MPRIP: variants seen among roughly 807,000 people sequenced by gnomAD.
MPRIP encodes myosin phosphatase Rho interacting protein, also known as myosin phosphatase Rho-interacting protein.
MPRIP carries 59 observed loss-of-function variants against 234.9 expected under a neutral mutation model. The ratio of observed to expected loss-of-function variants is 0.25; its 90% CI spans 0.20 to 0.31. The LOEUF (loss-of-function observed/expected upper bound fraction) is 0.31, where lower values mean the gene tolerates loss of function less well. Ranked by LOEUF, MPRIP falls within the 10% of genes least tolerant of loss-of-function variation. The pLI, the probability that MPRIP is intolerant of heterozygous loss-of-function variation, is 1.00. For synonymous variants in MPRIP, 1,144 were observed against 1,263.9 expected (o/e 0.91, Z 2.01); for missense variants, 2,436 against 3,071.0 (o/e 0.79, Z 4.89).
In MPRIP at chr17:17,171,881, A is replaced by T. The variant is rs760469097; in HGVS notation, c.6472+16A>T. 3 of 1,610,090 alleles carry T rather than the reference A, an allele frequency of 1.9e-6. No individual in the cohort carries two copies. The highest frequency in any genetic ancestry group is 2.5e-6 in the Non-Finnish European group (3 of 1,178,764). ...ACCATCTCAGGTTGGGGGGTGGGGT[A>T]ACCCTGAGGGCAGGGTGGGTGGCCA... On this transcript the variant is annotated intron_variant, in intron 17 of 23. Transcript: ENST00000651222.
chr17:17,109,337 C>A (rs2090124094), intron 3 of MPRIP, among the ~76,000 whole-genome samples: 2 of 152,320 alleles, frequency 1.3e-5, no homozygotes, highest in African/African-American at 4.8e-5. Flanking sequence ...CATACATAGG[C>A]TCTGTGTGCA....
chr17:17,170,856 C>T (rs1325263007), intron 16 of MPRIP: 1 of 152,246 alleles, frequency 6.6e-6, no homozygotes, highest in Non-Finnish European at 1.5e-5. Flanking sequence ...GTGAGCACAG[C>T]TCTGATAACC....
chr17:17,173,727 A>G (rs1427889109), intron 18 of MPRIP, 189 bp from the exon 19 acceptor site: 4 of 717,962 alleles, frequency 5.6e-6, no homozygotes, highest in Admixed American at 2.0e-5. Context: ...ACTGTGAGAA[A>G]GGACCAGGGA....
At position 17,132,490 on chromosome 17, in the gene MPRIP, A is replaced by G. The variant is rs151058228; in HGVS notation, c.504+789A>G. ...CTACTCTTCCCAAGTCCTGAGCCTC[A>G]TAGTCACCCGAGAGGGAGCAGGGTG... On this transcript the variant is annotated intron_variant, in intron 5 of 23. Coordinates refer to ENST00000651222, the MANE Select transcript of MPRIP (RefSeq NM_001364716.4). 8.4e-4 allele frequency among the ~76,000 whole-genome samples: 128 copies of G among 152,340 alleles called. 2 individuals carry two copies. In the East Asian group the frequency reaches 0.021, roughly 25 times the overall value.
rs1184412553 is a variant in MPRIP, at chr17:17,184,756, C to T, written c.7207-67C>T. The T allele has an allele frequency of 5.0e-5, 65 of 1,293,270 alleles. 1 individual carries two copies. The Middle Eastern group carries it at 9.3e-4, about 18-fold the overall frequency. 80.1% of individuals were successfully genotyped at this position (1,293,270 alleles called of 1,614,324 possible). ...GCTCCACCAGCGGTCCGGTCTGGTCCGGTCCGGTCCAGTGCAGGGGGTCTA... is the reference window on the plus strand; with the variant it reads ...GCTCCACCAGCGGTCCGGTCTGGTCTGGTCCGGTCCAGTGCAGGGGGTCTA... On this transcript the variant is annotated intron_variant, in intron 23 of 23. Coordinates refer to ENST00000651222, the MANE Select transcript of MPRIP (RefSeq NM_001364716.4).
chr17:17,110,309 C>G (rs569885490), intron 3 of MPRIP, among the ~76,000 whole-genome samples: 35 of 152,114 alleles, frequency 2.3e-4, no homozygotes, highest in Non-Finnish European at 4.4e-4. Flanking sequence ...GCCAAATAAC[C>G]CTCTTTTTCT....
Position 17,185,277 on chromosome 17 carries a change from C to G in MPRIP, c.*383C>G. ...TGGTGTGGAAACGGGGCCCAGCCAGCACGCCTCAAGGTAGATGGAATCCCC... is the reference window on the plus strand; with the variant it reads ...TGGTGTGGAAACGGGGCCCAGCCAGGACGCCTCAAGGTAGATGGAATCCCC... On this transcript the variant is annotated 3_prime_UTR_variant, in exon 24 of 24. Coordinates refer to ENST00000651222, the MANE Select transcript of MPRIP (RefSeq NM_001364716.4). 1 of 342,030 alleles carries G rather than the reference C, an allele frequency of 2.9e-6. No individual in the cohort carries two copies. Among genetic ancestry groups the G allele is most frequent in the Non-Finnish European group, 5.8e-6 (1 of 173,266 alleles). 21.2% of individuals were successfully genotyped at this position (342,030 alleles called of 1,614,324 possible).
At chr17:17,134,931 C>T (rs916547459) in intron 5 of MPRIP, among the ~76,000 whole-genome samples, 2 of 152,234 alleles carry the variant, frequency 1.3e-5, no homozygotes, top group African/African-American at 4.8e-5. Context: ...GAACCTGTGT[C>T]ATCTGCAAGC....
intron 3 of MPRIP, among the ~76,000 whole-genome samples, chr17:17,116,609 G>A (rs2090290548): frequency 6.6e-6 from 1 of 152,208 alleles, no homozygotes; most frequent in Non-Finnish European, 1.5e-5. Flanking sequence ...TTCCCAGCTG[G>A]CCTCATCTAG....
intron 1 of MPRIP, chr17:17,057,825 C>G (rs182358010): frequency 3.0e-6 from 2 of 656,164 alleles, no homozygotes; most frequent in East Asian, 2.7e-5. Flanking sequence ...TTTGAAGAGC[C>G]GCTGATATAC....
At chr17:17,064,188 T>C (rs904308949) in intron 1 of MPRIP, among the ~76,000 whole-genome samples, 1 of 149,954 alleles carries the variant, frequency 6.7e-6, no homozygotes, top group Non-Finnish European at 1.5e-5. Flanking sequence ...AGTTTTGTTT[T>C]TCGGTTTTTT....
chr17:17,169,817 C>T (rs774335451), intron 16 of MPRIP, among the ~76,000 whole-genome samples: 8 of 152,246 alleles, frequency 5.3e-5, no homozygotes, highest in South Asian at 4.1e-4. Flanking sequence ...TCCCACCACA[C>T]CACGATTGCA....
At position 17,167,039 on chromosome 17, in the gene MPRIP, C is replaced by T. The variant is rs908463662; in HGVS notation, c.5448C>T (p.Leu1816=). 21 of 1,304,206 alleles carry T rather than the reference C, an allele frequency of 1.6e-5. No homozygotes were observed. In the East Asian group the frequency reaches 8.3e-4, roughly 52 times the overall value. The allele number at this position is 1,304,206 out of a possible 1,614,324, so 80.8% of individuals were successfully genotyped here. A position where few individuals can be genotyped will look rare whatever the true frequency, so the allele number is the denominator to read the frequency against. ...VESLRDCQKL[L]QVSQSLSYNT... Reference sequence around the variant, plus strand: ...CGCTGAGAGATTGCCAGAAGCTTCTCCAGGTGTCCCAGAGTCTCTCGTATA... The same window carrying T: ...CGCTGAGAGATTGCCAGAAGCTTCTTCAGGTGTCCCAGAGTCTCTCGTATA... Residue 1816 remains leucine, a synonymous_variant, in exon 16 of 24, where the codon CTC becomes CTT. Transcript: ENST00000651222. The surrounding 1 kb of genome is among the most constrained non-coding windows in gnomAD (Gnocchi z 5.9).
At chr17:17,079,483 C>G (rs1351601251) in intron 3 of MPRIP, among the ~76,000 whole-genome samples, 1 of 152,232 alleles carries the variant, frequency 6.6e-6, no homozygotes, top group East Asian at 1.9e-4. Context: ...CTTCACACTT[C>G]GTGTTCTCCT....
chr17:17,161,322 G>A lies in MPRIP; in HGVS notation c.2483G>A (p.Arg828Gln), dbSNP rs767185147. 8.8e-6 allele frequency: 14 copies of A among 1,590,858 alleles called. No homozygotes were observed. The highest frequency in any genetic ancestry group is 8.8e-5 in the Admixed American group (5 of 57,116). ...LQDQLRVALG[R>Q]EQSAREGYVL... The stretch of plus-strand genomic sequence containing the variant: ...GACCAGCTGAGGGTGGCCCTGGGCC[G>A]GGAGCAGAGCGCCCGTGAGGGCTAC... Residue 828 changes from arginine to glutamine, a missense_variant, in exon 15 of 24, where the codon CGG (arginine) becomes CAG (glutamine). Physicochemically the swap from Arg to Gln is conservative, Grantham distance 43. Around this residue, in one of 4 missense-constraint regions of MPRIP, gnomAD observed 1,998 missense variants for 2,520.3 expected, o/e 0.79. Coordinates refer to ENST00000651222, the MANE Select transcript of MPRIP (RefSeq NM_001364716.4).
chr17:17,077,712 A>G (rs1453701035), intron 2 of MPRIP: 1 of 369,910 alleles, frequency 2.7e-6, no homozygotes, highest in Non-Finnish European at 5.0e-6. Context: ...ACAAAAAGGT[A>G]ACCACACGTT....
rs1297389593 is a variant in MPRIP, at chr17:17,186,839, T to A, written c.*1945T>A. 6.6e-6 allele frequency: 1 copy of A among 152,204 alleles called. No homozygotes were observed. The highest frequency in any genetic ancestry group is 2.4e-5 in the African/African-American group (1 of 41,436). The allele number at this position is 152,204 out of a possible 1,614,324, so 9.4% of individuals were successfully genotyped here. A position where few individuals can be genotyped will look rare whatever the true frequency, so the allele number is the denominator to read the frequency against. The stretch of plus-strand genomic sequence containing the variant: ...AGAAGGAACATTCGGGACCCCGCTG[T>A]CCCCCACAGCCTCATTGTTGTCTCC... On this transcript the variant is annotated 3_prime_UTR_variant, in exon 24 of 24. Coordinates refer to ENST00000651222, the MANE Select transcript of MPRIP (RefSeq NM_001364716.4).
intron 1 of MPRIP, among the ~76,000 whole-genome samples, 179 bp downstream of exon 1, chr17:17,043,150 G>C (rs962576111): frequency 6.6e-6 from 1 of 152,206 alleles, no homozygotes; most frequent in Non-Finnish European, 1.5e-5. Flanking sequence ...AAATCCTCGA[G>C]TATGCCGAAA....
Position 17,080,442 on chromosome 17 carries a change from C to T in MPRIP, c.267+2366C>T, listed in dbSNP as rs188510217. On this transcript the variant is annotated intron_variant, in intron 3 of 23. Coordinates refer to ENST00000651222, the MANE Select transcript of MPRIP (RefSeq NM_001364716.4). ...TCCTGAGACCTGGAGCAGGAAAACT[C>T]CATTTCAGATAGGCTTATGTGTGGG... Among the ~76,000 whole-genome samples, 1,419 of 152,356 alleles carry T rather than the reference C, an allele frequency of 9.3e-3. 12 individuals carry two copies. Among genetic ancestry groups the T allele is most frequent in the Non-Finnish European group, 0.016 (1,062 of 68,028 alleles).
Sources: gnomAD v4.1 joint callset for allele counts (sites outside exome capture counted in the v4.1 genomes callset) on GRCh38, gnomAD v4.1.1 for gene constraint, gnomAD v4.1.1 regional missense constraint, Gnocchi (gnomAD v3.1) non-coding constraint, MANE v1.5 for transcripts, NCBI Gene and HGNC (gene_info 2026-07-23, HGNC 2026-07-21) for gene names.